AFF3: variants seen among roughly 807,000 people sequenced by gnomAD.
AFF3 encodes the protein AF4/FMR2 family member 3.
A neutral mutation model predicts 129.7 loss-of-function variants in AFF3; 32 were observed. The observed-to-expected ratio is 0.25, with a 90% CI of 0.19 to 0.33. AFF3 has a LOEUF of 0.33. Ranked by LOEUF, AFF3 falls within the 10% of genes least tolerant of loss-of-function variation. The pLI is 1.00. For missense variants in AFF3, 1,373 were observed against 1,592.0 expected, an observed-to-expected ratio of 0.86 and a Z score of 2.34; for synonymous variants, 644 against 635.4, an observed-to-expected ratio of 1.01 and a Z score of -0.20.
At chr2:100,033,646 A>T (rs553443007) in intron 4 of AFF3, among the ~76,000 whole-genome samples, 12 of 152,310 alleles carry the variant, frequency 7.9e-5, no homozygotes, top group African/African-American at 2.9e-4. Flanking sequence ...GCTTTGAATG[A>T]TAATCAATTC....
At chr2:100,075,078 A>G (rs1177025360) in intron 4 of AFF3, among the ~76,000 whole-genome samples, 1 of 152,266 alleles carries the variant, frequency 6.6e-6, no homozygotes, top group Non-Finnish European at 1.5e-5. Context: ...TCTCTGCTCC[A>G]AAGAGTATTA....
At chr2:100,041,135 C>T (rs1559080484) in intron 4 of AFF3, among the ~76,000 whole-genome samples, 1 of 152,246 alleles carries the variant, frequency 6.6e-6, no homozygotes, top group Non-Finnish European at 1.5e-5. Flanking sequence ...ATATGACACT[C>T]TCCAGCTCTA....
intron 7 of AFF3, among the ~76,000 whole-genome samples, chr2:99,972,789 A>G (rs1346248805): frequency 6.6e-6 from 1 of 152,202 alleles, no homozygotes; most frequent in Non-Finnish European, 1.5e-5. Context: ...ATGGTCAAGG[A>G]AGGAACAGGA....
At chr2:99,955,904 TAAAC>T (rs1553488181) in intron 7 of AFF3, among the ~76,000 whole-genome samples, 35 of 152,290 alleles carry the variant, frequency 2.3e-4, no homozygotes, top group South Asian at 6.2e-4. Context: ...GTTGTAAACA[TAAAC>T]TTCTTTACAC....
At chr2:99,952,520 G>A (rs978024274) in intron 7 of AFF3, among the ~76,000 whole-genome samples, 4 of 151,974 alleles carry the variant, frequency 2.6e-5, no homozygotes, top group South Asian at 2.1e-4. Context: ...TCATGAAAGC[G>A]CCCTGCCTTG....
intron 11 of AFF3, among the ~76,000 whole-genome samples, chr2:99,693,498 C>A (rs539100085): frequency 6.6e-6 from 1 of 151,768 alleles, no homozygotes; most frequent in East Asian, 1.9e-4. Flanking sequence ...AAGAAAAATG[C>A]ATAATTTTTT....
At chr2:99,898,603 CT>C (rs1320917792) in intron 7 of AFF3, among the ~76,000 whole-genome samples, 1 of 152,200 alleles carries the variant, frequency 6.6e-6, no homozygotes, top group Non-Finnish European at 1.5e-5. Context: ...GCATCACAGT[CT>C]TGTCCACAGT....
chr2:99,926,441 A>T (rs754851550), intron 7 of AFF3, among the ~76,000 whole-genome samples: 14 of 152,186 alleles, frequency 9.2e-5, no homozygotes, highest in Non-Finnish European at 2.1e-4. Context: ...AAAGATACAA[A>T]TTTTTCATAT....
chr2:100,054,956 T>C (rs1040539810), intron 4 of AFF3, among the ~76,000 whole-genome samples: 1 of 152,216 alleles, frequency 6.6e-6, no homozygotes, highest in Non-Finnish European at 1.5e-5. Context: ...ACAGGTGTGA[T>C]TTGACCTGAG....
At chr2:99,805,588 A>G (rs1558867453) in intron 8 of AFF3, among the ~76,000 whole-genome samples, 1 of 152,152 alleles carries the variant, frequency 6.6e-6, no homozygotes, top group East Asian at 1.9e-4. Flanking sequence ...GAAGTCAATT[A>G]TTGATTTTTC....
Position 99,594,134 on chromosome 2 carries a change from T to A in AFF3, c.1527A>T (p.Lys509Asn). 44 of 1,614,102 alleles carry A rather than the reference T, an allele frequency of 2.7e-5. No homozygotes were observed. Among genetic ancestry groups the A allele is most frequent in the Non-Finnish European group, 3.7e-5 (44 of 1,179,992 alleles). The change falls in exon 15 of 25, where the codon AAA (lysine) becomes AAT (asparagine). Residue 509 changes from lysine to asparagine, a missense_variant. Coordinates refer to ENST00000672756, the MANE Select transcript of AFF3 (RefSeq NM_001386135.1). ...GGCTGGGCTGGCAAACGTCGGGGAC[T>A]TTCCCACAGTCCTGGACGTCCTCTT... The part of the protein sequence containing the change: ...PVKEDVQDCG[K>N]VPDVCQPSLR...
At chr2:99,560,235 G>T in intron 21 of AFF3, 130 bp downstream of exon 21, 1 of 932,798 alleles carries the variant, frequency 1.1e-6, no homozygotes, top group Non-Finnish European at 1.6e-6. Context: ...ACTTTCCCTG[G>T]TCATTAGAAC....
At chr2:99,554,250 A>T in intron 24 of AFF3, 61 bp downstream of exon 24, 1 of 1,571,588 alleles carries the variant, frequency 6.4e-7, no homozygotes, top group Non-Finnish European at 8.7e-7. Flanking sequence ...AGGCCGAGGC[A>T]GAAGAATCGC....
At chr2:99,837,810 C>T (rs1336537705) in intron 7 of AFF3, among the ~76,000 whole-genome samples, 2 of 152,100 alleles carry the variant, frequency 1.3e-5, no homozygotes, top group Non-Finnish European at 2.9e-5. Context: ...CCTAGGGGTA[C>T]AGAACGTGAC....
chr2:99,927,796 T>C (rs1334927974), intron 7 of AFF3, among the ~76,000 whole-genome samples: 7 of 152,184 alleles, frequency 4.6e-5, no homozygotes, highest in Non-Finnish European at 1.0e-4. Flanking sequence ...ATGTACATAC[T>C]GAGAGGCCCC....
intron 11 of AFF3, among the ~76,000 whole-genome samples, chr2:99,680,567 G>A (rs971903004): frequency 1.3e-5 from 2 of 152,136 alleles, no homozygotes; most frequent in Non-Finnish European, 2.9e-5. Flanking sequence ...AGATATGTAC[G>A]TATTTATATG....
intron 12 of AFF3, among the ~76,000 whole-genome samples, chr2:99,667,549 T>C (rs1441851236): frequency 6.6e-6 from 1 of 152,074 alleles, no homozygotes; most frequent in Non-Finnish European, 1.5e-5. Context: ...AAATAGATAA[T>C]ATTAATGAAA....
intron 7 of AFF3, among the ~76,000 whole-genome samples, chr2:99,895,638 C>T (rs892241886): frequency 3.9e-5 from 6 of 152,024 alleles, no homozygotes; most frequent in Non-Finnish European, 5.9e-5. Flanking sequence ...AGTGAGCGTC[C>T]GGGCTATGCT....
intron 4 of AFF3, among the ~76,000 whole-genome samples, chr2:100,081,753 G>A (rs928784840): frequency 6.6e-6 from 1 of 152,178 alleles, no homozygotes; most frequent in Non-Finnish European, 1.5e-5. Flanking sequence ...TACTGTCATA[G>A]GTTAGCTGTG....
Sources: allele counts gnomAD v4.1 joint callset (sites outside exome capture counted in the v4.1 genomes callset), GRCh38; gene constraint gnomAD v4.1.1; transcripts MANE v1.5; gene names NCBI Gene and HGNC (gene_info 2026-07-23, HGNC 2026-07-21).